Variants in XPR1 observed in about 807,000 individuals in gnomAD.
The protein encoded by XPR1 is xenotropic and polytropic retrovirus receptor 1.
XPR1 carries 28 observed loss-of-function variants against 87.5 expected under a neutral mutation model. The ratio of observed to expected loss-of-function variants is 0.32; its 90% CI spans 0.24 to 0.44. The LOEUF (loss-of-function observed/expected upper bound fraction) is 0.44. XPR1 is among the 20% of genes least tolerant of loss of function. XPR1 has a pLI of 1.00. For missense variants in XPR1, 559 were observed against 862.3 expected, an observed-to-expected ratio of 0.65 and a Z score of 4.41; for synonymous variants, 300 against 306.1, an observed-to-expected ratio of 0.98 and a Z score of 0.21.
chr1:180,837,467 G>T (rs1651335655), intron 11 of XPR1, among the ~76,000 whole-genome samples: 1 of 150,858 alleles, frequency 6.6e-6, no homozygotes, highest in Admixed American at 6.6e-5. Context: ...TTTTTTTTCA[G>T]TGATTTTTTT....
intron 12 of XPR1, 72 bp from the exon 13 acceptor site, chr1:180,873,731 A>G (rs917160642): frequency 2.6e-6 from 4 of 1,540,418 alleles, no homozygotes; most frequent in Non-Finnish European, 3.5e-6. Context: ...TTTGTAGGAC[A>G]TATGCTCATT....
chr1:180,788,587 C>T (rs1250111892), intron 3 of XPR1, among the ~76,000 whole-genome samples: 2 of 151,952 alleles, frequency 1.3e-5, no homozygotes, highest in African/African-American at 4.8e-5. Context: ...GTTACACCGC[C>T]AGATATACAG....
At position 180,660,065 on chromosome 1, in the gene XPR1, G is replaced by T. The variant is rs76463932; in HGVS notation, c.70-22295G>T. Among the ~76,000 whole-genome samples, 274 of 152,148 alleles carry T rather than the reference G, an allele frequency of 1.8e-3. 1 individual carries two copies. The highest frequency in any genetic ancestry group is 6.5e-3 in the African/African-American group (270 of 41,528). ...TCTTACTTGTTATTGGTCTGTTCAG[G>T]TTTTGAATTTTTTCATGGTTCACTC... On this transcript the variant is annotated intron_variant, in intron 1 of 14. Transcript: ENST00000367590.
chr1:180,681,770 C>T (rs758141414), intron 1 of XPR1, among the ~76,000 whole-genome samples: 1 of 152,118 alleles, frequency 6.6e-6, no homozygotes, highest in Non-Finnish European at 1.5e-5. Flanking sequence ...TGGGTTCAAG[C>T]GATCCTCCCA....
intron 1 of XPR1, among the ~76,000 whole-genome samples, chr1:180,673,885 A>G (rs531287967): frequency 5.9e-5 from 9 of 152,320 alleles, no homozygotes; most frequent in Non-Finnish European, 7.4e-5. Context: ...TTGTTTTGCT[A>G]TTGGTTCCAG....
chr1:180,789,802 C>T (rs868159248), intron 3 of XPR1, among the ~76,000 whole-genome samples: 1 of 152,126 alleles, frequency 6.6e-6, no homozygotes, highest in Non-Finnish European at 1.5e-5. Context: ...CCTTATGTTG[C>T]ATCTGCCTAG....
At chr1:180,654,283 A>C in intron 1 of XPR1, among the ~76,000 whole-genome samples, 1 of 152,154 alleles carries the variant, frequency 6.6e-6, no homozygotes, top group Non-Finnish European at 1.5e-5. Flanking sequence ...AAGTTGCTAG[A>C]GAGCAATAAT....
At chr1:180,817,546 T>C (rs576556176) in intron 7 of XPR1, among the ~76,000 whole-genome samples, 1 of 152,364 alleles carries the variant, frequency 6.6e-6, no homozygotes, top group African/African-American at 2.4e-5. Flanking sequence ...ATACTACCAT[T>C]GTGTTACAAT....
At chr1:180,847,688 T>A (rs1651730970) in intron 11 of XPR1, among the ~76,000 whole-genome samples, 2 of 152,192 alleles carry the variant, frequency 1.3e-5, no homozygotes, top group African/African-American at 4.8e-5. Flanking sequence ...GGGATTTTCA[T>A]TATAGATGTG....
intron 2 of XPR1, among the ~76,000 whole-genome samples, chr1:180,780,767 C>CAAAAAAAAAAAAAAAAA (rs756960289): frequency 3.0e-4 from 32 of 106,046 alleles, no homozygotes; most frequent in African/African-American, 1.1e-3. Flanking sequence ...GACTCTGTCT[C>CAAAAAAAAAAAAAAAAA]AAAAAAAAAA....
chr1:180,732,572 T>G (rs925733681), intron 2 of XPR1, among the ~76,000 whole-genome samples: 3 of 152,082 alleles, frequency 2.0e-5, no homozygotes, highest in African/African-American at 7.2e-5. Flanking sequence ...GGGTGTGCAA[T>G]GGGGGAGTGG....
chr1:180,884,065 G>C lies in XPR1; in HGVS notation c.2090G>C (p.Ter697SerextTer3). Reference protein sequence around the residue: ...IEDTDDEANT* With the variant: ...IEDTDDEANTS ...GACACAGATGATGAAGCTAACACTT[G>C]AATTTTCTGAAGTCTAGCTTAACAT... Residue 697 changes from the stop codon to serine (S), a stop_lost, in exon 15 of 15, where the codon TGA (stop) becomes TCA (serine). Transcript: ENST00000367590. 6.2e-7 allele frequency: 1 copy of C among 1,613,766 alleles called. No homozygotes were observed. The highest frequency in any genetic ancestry group is 8.5e-7 in the Non-Finnish European group (1 of 1,179,846).
At chr1:180,745,269 C>T (rs1020004589) in intron 2 of XPR1, among the ~76,000 whole-genome samples, 6 of 152,046 alleles carry the variant, frequency 3.9e-5, no homozygotes, top group Non-Finnish European at 5.9e-5. Flanking sequence ...TTCTGCTCTG[C>T]GGAGCAATTC....
intron 1 of XPR1, among the ~76,000 whole-genome samples, chr1:180,666,077 G>A (rs58837546): frequency 0.034 from 5,167 of 152,184 alleles, 130 homozygotes; most frequent in African/African-American, 0.07. Flanking sequence ...TCTCCATTGG[G>A]TGATCTTGGC....
At chr1:180,695,716 C>G (rs1047072569) in intron 2 of XPR1, among the ~76,000 whole-genome samples, 1 of 151,976 alleles carries the variant, frequency 6.6e-6, no homozygotes, top group South Asian at 2.1e-4. Flanking sequence ...TGTTCTGGAG[C>G]CTTTGTTGAT....
chr1:180,816,449 T>C (rs912152607), intron 7 of XPR1, among the ~76,000 whole-genome samples: 5 of 152,150 alleles, frequency 3.3e-5, no homozygotes, highest in Non-Finnish European at 5.9e-5. Context: ...GGCCTGGAGA[T>C]TGGAAACCCC....
At chr1:180,803,657 G>C in intron 4 of XPR1, 46 bp downstream of exon 4, 1 of 1,512,218 alleles carries the variant, frequency 6.6e-7, no homozygotes, top group Non-Finnish European at 9.1e-7. Context: ...AAGTAAATGA[G>C]AAATTTCAAT....
intron 2 of XPR1, among the ~76,000 whole-genome samples, chr1:180,707,381 A>G (rs1657595419): frequency 6.6e-6 from 1 of 152,068 alleles, no homozygotes; most frequent in African/African-American, 2.4e-5. Context: ...GCTCCCCTCT[A>G]TGTATCTATG....
chr1:180,850,836 G>GT (rs1651842360), intron 11 of XPR1, among the ~76,000 whole-genome samples: 1 of 151,994 alleles, frequency 6.6e-6, no homozygotes, highest in Non-Finnish European at 1.5e-5. Flanking sequence ...GTACACACCT[G>GT]TATTTCTAGC....
Sources: allele counts gnomAD v4.1 joint callset (sites outside exome capture counted in the v4.1 genomes callset), GRCh38; gene constraint gnomAD v4.1.1; transcripts MANE v1.5; gene names NCBI Gene and HGNC (gene_info 2026-07-23, HGNC 2026-07-21).